OSBPL11: variants seen among roughly 807,000 people sequenced by gnomAD.
OSBPL11 encodes oxysterol-binding protein-related protein 11.
In OSBPL11, 33 loss-of-function variants were observed where a neutral mutation model predicts 84.4. The ratio of observed to expected loss-of-function variants is 0.39; its 90% CI spans 0.30 to 0.52. The LOEUF is 0.52. OSBPL11 is among the 20% of genes least tolerant of loss of function. The pLI, the probability that OSBPL11 is intolerant of heterozygous loss-of-function variation, is 0.72. For synonymous variants in OSBPL11, 276 were observed against 310.2 expected (o/e 0.89, Z 1.16); for missense variants, 736 against 901.1 (o/e 0.82, Z 2.35).
chr3:125,550,032 G>C (rs932333237), intron 9 of OSBPL11, among the ~76,000 whole-genome samples: 1 of 152,062 alleles, frequency 6.6e-6, no homozygotes, highest in Non-Finnish European at 1.5e-5. Flanking sequence ...TAACGTGACG[G>C]AGCTTATGAT....
intron 11 of OSBPL11, among the ~76,000 whole-genome samples, chr3:125,533,426 T>C (rs1341573899): frequency 1.3e-5 from 2 of 152,092 alleles, no homozygotes; most frequent in Admixed American, 1.3e-4. Flanking sequence ...GGTTTCATCA[T>C]GTTGGCCAGG....
intron 1 of OSBPL11, among the ~76,000 whole-genome samples, chr3:125,585,536 GAA>G (rs34111464): frequency 2.4e-5 from 2 of 85,098 alleles, no homozygotes; most frequent in South Asian, 6.5e-4. Flanking sequence ...TTAGCTTTCT[GAA>G]AAAAAAAAAA....
At chr3:125,587,197 T>C (rs1936526706) in intron 1 of OSBPL11, among the ~76,000 whole-genome samples, 1 of 152,142 alleles carries the variant, frequency 6.6e-6, no homozygotes, top group Non-Finnish European at 1.5e-5. Flanking sequence ...ATTTGATGAC[T>C]GATTAGATGT....
chr3:125,594,774 T>G lies in OSBPL11; in HGVS notation c.27A>C (p.Thr9=), dbSNP rs1435814817. 4 of 1,614,014 alleles carry G rather than the reference T, an allele frequency of 2.5e-6. No individual in the cohort carries two copies. The highest frequency in any genetic ancestry group is 3.4e-6 in the Non-Finnish European group (4 of 1,179,998). The change falls in exon 1 of 13, where the codon ACA becomes ACC. Residue 9 remains threonine (T), a synonymous_variant. Coordinates refer to ENST00000296220, the MANE Select transcript of OSBPL11 (RefSeq NM_022776.5). Reference sequence around the variant, plus strand: ...TTCCTTCGCTCTCCGAGACTTTCATTGTGGACACTGGTTCACCCCCCTGCA... The same window carrying G: ...TTCCTTCGCTCTCCGAGACTTTCATGGTGGACACTGGTTCACCCCCCTGCA... MQGGEPVS[T]MKVSESEGKL... is the part of the protein sequence containing the mutation.
intron 7 of OSBPL11, 87 bp downstream of exon 7, chr3:125,563,611 G>T: frequency 3.8e-6 from 5 of 1,304,672 alleles, no homozygotes; most frequent in South Asian, 2.4e-5. Flanking sequence ...AAGTTGATGT[G>T]CATGAGCTGA....
rs1580070722 is a variant in OSBPL11, at chr3:125,595,430, C to T, written c.-630G>A. ...GACAACTTCCTCTTATGCCCCTGGC[C>T]CGGGCCCTCGACTGGGTTCCCAGGA... is the stretch of plus-strand genomic sequence containing the variant. On this transcript the variant is annotated 5_prime_UTR_variant, in exon 1 of 13. Coordinates refer to ENST00000296220, the MANE Select transcript of OSBPL11 (RefSeq NM_022776.5). Among the ~76,000 whole-genome samples the T allele has an allele frequency of 5.9e-5, 9 of 152,304 alleles. No individual in the cohort carries two copies. The Middle Eastern group carries it at 0.02, about 345-fold the overall frequency.
chr3:125,572,266 T>C (rs1380450057), intron 5 of OSBPL11, among the ~76,000 whole-genome samples: 1 of 152,248 alleles, frequency 6.6e-6, no homozygotes, highest in African/African-American at 2.4e-5. Context: ...AGGAAGTAGC[T>C]AACTTGCTTT....
chr3:125,532,045 C>T, intron 11 of OSBPL11, 31 bp from the exon 12 acceptor site: 1 of 1,585,204 alleles, frequency 6.3e-7, no homozygotes, highest in Non-Finnish European at 8.5e-7. Flanking sequence ...ATTTTACAAG[C>T]ATTCTTTAAA....
chr3:125,570,717 C>T (rs1936231112), intron 5 of OSBPL11, among the ~76,000 whole-genome samples: 1 of 152,194 alleles, frequency 6.6e-6, no homozygotes. Context: ...TCTTTGCCTG[C>T]TGCCATCCAT....
At chr3:125,567,125 G>A (rs185257295) in intron 6 of OSBPL11, among the ~76,000 whole-genome samples, 1 of 152,296 alleles carries the variant, frequency 6.6e-6, no homozygotes, top group East Asian at 1.9e-4. Context: ...TGCACATTTT[G>A]AGTTCAGTTT....
intron 1 of OSBPL11, among the ~76,000 whole-genome samples, chr3:125,592,713 G>A (rs1356987552): frequency 6.6e-6 from 1 of 151,662 alleles, no homozygotes; most frequent in Non-Finnish European, 1.5e-5. Context: ...ATTTTTAAAG[G>A]AATATTGGTA....
chr3:125,563,674 A>T (rs1479697427), intron 7 of OSBPL11, 24 bp downstream of exon 7: 3 of 1,609,960 alleles, frequency 1.9e-6, no homozygotes. Flanking sequence ...TTCACATCAA[A>T]ATCATATTTT....
At chr3:125,563,022 G>A (rs1047226711) in intron 7 of OSBPL11, among the ~76,000 whole-genome samples, 14 of 151,378 alleles carry the variant, frequency 9.2e-5, no homozygotes, top group African/African-American at 3.4e-4. Context: ...CAACAATAGG[G>A]ACATTAACTC....
rs571185624 is a variant in OSBPL11 at position 125,595,479 on chromosome 3, T to G, written c.-679A>C. ...GAGCCGGTGAGTCTCTCGCGCTATC[T>G]CCAGACCCAAGCGCGAATGCCAGGG... On this transcript the variant is annotated 5_prime_UTR_variant, in exon 1 of 13. Coordinates refer to ENST00000296220, the MANE Select transcript of OSBPL11 (RefSeq NM_022776.5). Among the ~76,000 whole-genome samples the G allele has an allele frequency of 5.9e-5, 9 of 152,036 alleles. No homozygotes were observed. In the East Asian group the frequency reaches 1.2e-3, roughly 20 times the overall value.
chr3:125,529,959 AAGAAAT>A lies in OSBPL11; in HGVS notation c.*550_*555del, dbSNP rs1935532409. 6.5e-6 allele frequency: 1 copy of A among 153,502 alleles called. No homozygotes were observed. Among genetic ancestry groups the A allele is most frequent in the South Asian group, 2.0e-4 (1 of 4,922 alleles). The allele number at this position is 153,502 out of a possible 1,614,324, so 9.5% of individuals were successfully genotyped here. On this transcript the variant is annotated 3_prime_UTR_variant, in exon 13 of 13. Coordinates refer to ENST00000296220, the MANE Select transcript of OSBPL11 (RefSeq NM_022776.5). ...CAGACACAGGCATACAGTCTTTTTG[AAGAAAT>A]AGAATGCCTTGTTACCACAACCTGG...
chr3:125,563,048 G>C (rs4679406), intron 7 of OSBPL11, among the ~76,000 whole-genome samples: 10,312 of 151,408 alleles, frequency 0.068, 467 homozygotes, highest in Non-Finnish European at 0.098. Context: ...ACTATTTCAA[G>C]CTTTAATTAT....
chr3:125,532,176 G>T (rs1935569184), intron 11 of OSBPL11, among the ~76,000 whole-genome samples, 162 bp from the exon 12 acceptor site: 2 of 152,188 alleles, frequency 1.3e-5, no homozygotes, highest in Non-Finnish European at 2.9e-5. Flanking sequence ...CTGTGCTGCT[G>T]ATGGTTATGT....
chr3:125,550,764 T>A (rs1935893701), intron 9 of OSBPL11, among the ~76,000 whole-genome samples: 1 of 152,348 alleles, frequency 6.6e-6, no homozygotes, highest in Non-Finnish European at 1.5e-5. Flanking sequence ...AAACTCTGCA[T>A]TTCCAAAAAT....
In OSBPL11 at chr3:125,594,900, C is replaced by T; in HGVS notation, c.-100G>A. ...TTTAAGATTTGATCTGAATATGATA[C>T]CGGTTGCTAAATCACACGGCGGCTG... On this transcript the variant is annotated 5_prime_UTR_variant, in exon 1 of 13. Coordinates refer to ENST00000296220, the MANE Select transcript of OSBPL11 (RefSeq NM_022776.5). 1 of 1,351,438 alleles carries T rather than the reference C, an allele frequency of 7.4e-7. No homozygotes were observed. The highest frequency in any genetic ancestry group is 1.0e-6 in the Non-Finnish European group (1 of 994,192). 83.7% of individuals were successfully genotyped at this position (1,351,438 alleles called of 1,614,324 possible). A position where few individuals can be genotyped will look rare whatever the true frequency, so the allele number is the denominator to read the frequency against.
Sources: allele counts gnomAD v4.1 joint callset (sites outside exome capture counted in the v4.1 genomes callset), GRCh38; gene constraint gnomAD v4.1.1; transcripts MANE v1.5; gene names NCBI Gene and HGNC (gene_info 2026-07-23, HGNC 2026-07-21).